MAST4: variants seen among roughly 807,000 people sequenced by gnomAD.
MAST4 encodes the protein microtubule associated serine/threonine kinase family member 4.
A neutral mutation model predicts 162.7 loss-of-function variants in MAST4; 89 were observed. The observed-to-expected ratio is 0.55, with a 90% confidence interval of 0.46 to 0.65. The LOEUF (loss-of-function observed/expected upper bound fraction) is 0.65. Among genes scored for constraint, MAST4 ranks in the 30% least tolerant of loss-of-function variants. The pLI, the probability that MAST4 is intolerant of heterozygous loss-of-function variation, is 0.00. For missense variants in MAST4, 3,153 were observed against 3,374.0 expected (o/e 0.93, Z 1.62); for synonymous variants, 1,479 against 1,361.1 (o/e 1.09, Z -1.91).
chr5:66,977,203 C>T (rs996520368), intron 4 of MAST4, among the ~76,000 whole-genome samples: 1 of 152,132 alleles, frequency 6.6e-6, no homozygotes, highest in African/African-American at 2.4e-5. Flanking sequence ...TGGGTTCAAG[C>T]GATTCTTCTG....
Position 67,134,637 on chromosome 5 carries a change from G to A in MAST4, c.2341G>A (p.Val781Met), listed in dbSNP as rs763416280. 16 of 1,613,540 alleles carry A rather than the reference G, an allele frequency of 9.9e-6. No homozygotes were observed. The highest frequency in any genetic ancestry group is 1.7e-5 in the Admixed American group (1 of 59,978). Residue 781 changes from valine to methionine, a missense_variant, in exon 18 of 29, where the codon GTG becomes ATG. This residue lies in a region of MAST4 where 131 missense variants were observed against 253.8 expected (regional missense o/e 0.52). Coordinates refer to ENST00000403625, the MANE Select transcript of MAST4 (RefSeq NM_001164664.2). ...IILYEFLVGC[V>M]PFFGDTPEEL... ...CCTCTATGAATTTCTGGTTGGATGCGTGCCATTCTTTGGGGATACTCCAGA... is the reference window on the plus strand; with the variant it reads ...CCTCTATGAATTTCTGGTTGGATGCATGCCATTCTTTGGGGATACTCCAGA...
rs772496134 is a variant in MAST4 at position 66,892,830 on chromosome 5, G to A, written c.643-7121G>A. ...ACTATCTCATGGCTTTGCAACTCTG[G>A]TCAATTGCTGATCTCCTCTGGGCTT... is the stretch of plus-strand genomic sequence containing the variant. On this transcript the variant is annotated intron_variant, in intron 3 of 28. Transcript: ENST00000403625. Among the ~76,000 whole-genome samples, 4 of 152,122 alleles carry A rather than the reference G, an allele frequency of 2.6e-5. No homozygotes were observed. In the South Asian group the frequency reaches 6.2e-4, roughly 24 times the overall value.
rs10039176 is a variant in MAST4, at chr5:66,818,716, G to T, written c.642+29922G>T. On this transcript the variant is annotated intron_variant, in intron 3 of 28. Coordinates refer to ENST00000403625, the MANE Select transcript of MAST4 (RefSeq NM_001164664.2). ...GGGCAGCGCTTGCCCTTGGATTGCT[G>T]CTGCAGTGGTGATGAGAAGGATGAG... Among the ~76,000 whole-genome samples the T allele has an allele frequency of 2.2e-3, 331 of 152,334 alleles. 2 individuals are homozygous for T. Among genetic ancestry groups the T allele is most frequent in the African/African-American group, 7.6e-3 (316 of 41,584 alleles).
chr5:66,865,990 G>A (rs1304552554), intron 3 of MAST4, among the ~76,000 whole-genome samples: 2 of 148,878 alleles, frequency 1.3e-5, no homozygotes, highest in South Asian at 2.1e-4. Flanking sequence ...CAGGAGAATC[G>A]CTTGAACCCT....
rs371054420 is a variant in MAST4, at chr5:67,165,047, G to T, written c.5868G>T (p.Pro1956=). 12 of 1,605,870 alleles carry T rather than the reference G, an allele frequency of 7.5e-6. No individual in the cohort carries two copies. The East Asian group carries it at 2.5e-4, about 33-fold the overall frequency. The part of the protein sequence containing the change: ...HSPDLARPRC[P]LPPEASPSRE... ...CTGACCTGGCCAGGCCACGCTGCCC[G>T]CTCCCACCTGAAGCTTCCCCCTCAA... The change falls in exon 29 of 29, where the codon CCG becomes CCT. Residue 1956 remains proline (P), a synonymous_variant. Coordinates refer to ENST00000403625, the MANE Select transcript of MAST4 (RefSeq NM_001164664.2).
intron 4 of MAST4, among the ~76,000 whole-genome samples, chr5:66,982,704 C>T (rs6890940): frequency 0.075 from 11,464 of 152,210 alleles, 1,080 homozygotes; most frequent in African/African-American, 0.21. Context: ...AGCTGATATT[C>T]TGGCGGCGGA....
intron 3 of MAST4, among the ~76,000 whole-genome samples, chr5:66,881,681 G>C (rs570970411): frequency 6.6e-6 from 1 of 152,306 alleles, no homozygotes; most frequent in East Asian, 1.9e-4. Flanking sequence ...GATTTGTTTG[G>C]AGAAAGGGTG....
chr5:66,655,417 A>C (rs1486068554), intron 1 of MAST4, among the ~76,000 whole-genome samples: 4 of 152,204 alleles, frequency 2.6e-5, no homozygotes, highest in Admixed American at 2.6e-4. Context: ...AAAGATGACA[A>C]AGAGCCAGTT....
intron 14 of MAST4, among the ~76,000 whole-genome samples, chr5:67,121,614 T>A (rs959503816): frequency 6.6e-6 from 1 of 150,540 alleles, no homozygotes; most frequent in Non-Finnish European, 1.5e-5. Context: ...TGGGCCACAC[T>A]GGGAGAAGAA....
In MAST4 at chr5:66,714,268, G is replaced by A. The variant is rs144715155; in HGVS notation, c.364-45441G>A. 7.2e-3 allele frequency among the ~76,000 whole-genome samples: 1,101 copies of A among 152,244 alleles called. 20 individuals carry two copies. Among genetic ancestry groups the A allele is most frequent in the African/African-American group, 0.025 (1,047 of 41,548 alleles). ...GAAAATCAGGCCCTTTGTTAGTTGCGCATGGATATGTTCTTGGTGGCCTAG... is the reference window on the plus strand; with the variant it reads ...GAAAATCAGGCCCTTTGTTAGTTGCACATGGATATGTTCTTGGTGGCCTAG... On this transcript the variant is annotated intron_variant, in intron 1 of 28. Coordinates refer to ENST00000403625, the MANE Select transcript of MAST4 (RefSeq NM_001164664.2).
Position 66,948,610 on chromosome 5 carries a change from C to T in MAST4, c.674+48628C>T, listed in dbSNP as rs187410663. Reference sequence around the variant, plus strand: ...TACTCTTGGTACTCACAAGCCATGTCGCTGGGCTTTAAAATGCCATCTGTG... The same window carrying T: ...TACTCTTGGTACTCACAAGCCATGTTGCTGGGCTTTAAAATGCCATCTGTG... On this transcript the variant is annotated intron_variant, in intron 4 of 28. Transcript: ENST00000403625. 2.0e-3 allele frequency among the ~76,000 whole-genome samples: 300 copies of T among 152,204 alleles called. 2 individuals carry two copies. Among genetic ancestry groups the T allele is most frequent in the African/African-American group, 4.3e-3 (178 of 41,528 alleles).
At chr5:66,748,652 G>A (rs369446522) in intron 1 of MAST4, among the ~76,000 whole-genome samples, 23 of 151,614 alleles carry the variant, frequency 1.5e-4, no homozygotes, top group African/African-American at 5.6e-4. Flanking sequence ...ACCACACCCA[G>A]CTAATTTTTG....
chr5:67,076,604 C>T (rs1250370709), intron 5 of MAST4, among the ~76,000 whole-genome samples: 1 of 152,070 alleles, frequency 6.6e-6, no homozygotes, highest in Non-Finnish European at 1.5e-5. Context: ...TGTTTTATAC[C>T]TGACCCCCCT....
intron 1 of MAST4, among the ~76,000 whole-genome samples, chr5:66,651,646 A>T (rs772860668): frequency 2.0e-5 from 3 of 152,020 alleles, no homozygotes; most frequent in African/African-American, 7.2e-5. Context: ...TTTAAACAGC[A>T]TTATCTGCTG....
In MAST4 at chr5:66,626,417, T is replaced by C. The variant is rs139643612; in HGVS notation, c.363+29399T>C. Reference sequence around the variant, plus strand: ...AAGAAAAATCATGGGTTCCATGCACTACTGATGGTTCTCACTGTATATCTT... The same window carrying C: ...AAGAAAAATCATGGGTTCCATGCACCACTGATGGTTCTCACTGTATATCTT... On this transcript the variant is annotated intron_variant, in intron 1 of 28. Coordinates refer to ENST00000403625, the MANE Select transcript of MAST4 (RefSeq NM_001164664.2). Among the ~76,000 whole-genome samples, 55 of 152,326 alleles carry C rather than the reference T, an allele frequency of 3.6e-4. 1 individual carries two copies. The East Asian group carries it at 0.01, about 28-fold the overall frequency.
At chr5:66,927,837 T>A (rs1407176688) in intron 4 of MAST4, among the ~76,000 whole-genome samples, 1 of 152,144 alleles carries the variant, frequency 6.6e-6, no homozygotes, top group African/African-American at 2.4e-5. Flanking sequence ...AAGATCATAG[T>A]GTTTGCAGGT....
At chr5:67,160,683 T>A in intron 27 of MAST4, 91 bp downstream of exon 27, 1 of 1,400,244 alleles carries the variant, frequency 7.1e-7, no homozygotes, top group Non-Finnish European at 9.7e-7. Flanking sequence ...ATGAAGAAGA[T>A]CTATTTTTCT....
intron 4 of MAST4, among the ~76,000 whole-genome samples, chr5:66,970,102 T>G (rs1353124939): frequency 6.6e-6 from 1 of 151,976 alleles, no homozygotes; most frequent in Non-Finnish European, 1.5e-5. Flanking sequence ...GCCCTGTGGG[T>G]GTGGGGCTGG....
intron 1 of MAST4, among the ~76,000 whole-genome samples, chr5:66,621,445 T>C (rs1307183262): frequency 6.6e-6 from 1 of 152,218 alleles, no homozygotes; most frequent in African/African-American, 2.4e-5. Context: ...TTATTCTACT[T>C]TGCATCTTAG....
Sources: allele counts gnomAD v4.1 joint callset (sites outside exome capture counted in the v4.1 genomes callset), GRCh38; gene constraint gnomAD v4.1.1; regional missense constraint gnomAD v4.1.1; transcripts MANE v1.5; gene names NCBI Gene and HGNC (gene_info 2026-07-23, HGNC 2026-07-21).